The following TP63 variants were observed in gnomAD, a reference collection of about 807,000 sequenced individuals.
The protein encoded by TP63 is tumor protein 63.
A neutral mutation model predicts 82.8 loss-of-function variants in TP63; 17 were observed. That is an observed-to-expected ratio of 0.21 (90% CI 0.14 to 0.31). The LOEUF is 0.31. TP63 is among the 10% of genes least tolerant of loss of function. TP63 has a pLI of 1.00. For synonymous variants in TP63, 330 were observed against 321.7 expected (o/e 1.03, Z -0.28); for missense variants, 648 against 895.3 (o/e 0.72, Z 3.52).
intron 1 of TP63, among the ~76,000 whole-genome samples, chr3:189,686,644 G>T (rs535215261): frequency 2.0e-4 from 27 of 136,448 alleles, no homozygotes; most frequent in Admixed American, 5.6e-4. Context: ...TGATAGCAAA[G>T]TTTACAAACT....
At chr3:189,638,259 C>T (rs941592487) in intron 1 of TP63, among the ~76,000 whole-genome samples, 23 of 152,082 alleles carry the variant, frequency 1.5e-4, no homozygotes, top group Non-Finnish European at 2.9e-4. Flanking sequence ...TGTTTTGATG[C>T]GTTTAACTAA....
chr3:189,834,343 C>T (rs1712804777), intron 4 of TP63, among the ~76,000 whole-genome samples: 1 of 151,068 alleles, frequency 6.6e-6, no homozygotes, highest in South Asian at 2.1e-4. Context: ...GTCTGACAGT[C>T]TTTTTTTTTA....
chr3:189,721,296 C>G (rs1719373908), intron 1 of TP63, among the ~76,000 whole-genome samples: 1 of 152,026 alleles, frequency 6.6e-6, no homozygotes, highest in Non-Finnish European at 1.5e-5. Flanking sequence ...TGTGGGCCTT[C>G]CAATAATAGA....
chr3:189,850,609 G>A (rs1057273290), intron 4 of TP63, among the ~76,000 whole-genome samples: 1 of 152,106 alleles, frequency 6.6e-6, no homozygotes, highest in African/African-American at 2.4e-5. Context: ...GATAGCGTTA[G>A]GAGATATACC....
At chr3:189,725,022 G>A (rs1036702157) in intron 1 of TP63, among the ~76,000 whole-genome samples, 2 of 152,074 alleles carry the variant, frequency 1.3e-5, no homozygotes, top group African/African-American at 4.8e-5. Flanking sequence ...GCACAAATGT[G>A]TTGCTTAATA....
chr3:189,888,186 T>G (rs999716464), intron 11 of TP63, among the ~76,000 whole-genome samples: 1 of 151,942 alleles, frequency 6.6e-6, no homozygotes, highest in African/African-American at 2.4e-5. Context: ...GAGATAGAGG[T>G]GTGTGTGTTT....
chr3:189,735,807 C>T (rs529116601), intron 1 of TP63, among the ~76,000 whole-genome samples: 1 of 152,196 alleles, frequency 6.6e-6, no homozygotes, highest in African/African-American at 2.4e-5. Flanking sequence ...TACACTACTC[C>T]ACACGTGTGA....
At chr3:189,734,261 T>C (rs1230339731) in intron 1 of TP63, among the ~76,000 whole-genome samples, 1 of 148,208 alleles carries the variant, frequency 6.7e-6, no homozygotes, top group African/African-American at 2.5e-5. Context: ...CACCTCTGCC[T>C]CTTGGGTTCA....
chr3:189,774,487 A>G lies in TP63; in HGVS notation c.325-33785A>G, dbSNP rs573416522. Among the ~76,000 whole-genome samples the G allele has an allele frequency of 1.9e-3, 288 of 152,314 alleles. 3 individuals are homozygous for G. Among genetic ancestry groups the G allele is most frequent in the Non-Finnish European group, 3.2e-3 (221 of 68,024 alleles). On this transcript the variant is annotated intron_variant, in intron 3 of 13. Transcript: ENST00000264731. ...TAATTAAAGATAAAATGTGACAGGA[A>G]TTGTATGTGCACCTGTGTTTGAAGG...
intron 1 of TP63, among the ~76,000 whole-genome samples, chr3:189,647,995 A>C (rs1367382029): frequency 1.9e-5 from 1 of 52,614 alleles, no homozygotes; most frequent in Admixed American, 3.5e-4. Context: ...GAAAGATTAA[A>C]TAAACGAATT....
chr3:189,632,586 A>G (rs1302360597), intron 1 of TP63, among the ~76,000 whole-genome samples: 2 of 152,118 alleles, frequency 1.3e-5, no homozygotes, highest in Non-Finnish European at 2.9e-5. Context: ...AAGGCAGAAG[A>G]GAAAGAGCAA....
chr3:189,744,351 A>C (rs1721214996), intron 3 of TP63, among the ~76,000 whole-genome samples: 1 of 152,094 alleles, frequency 6.6e-6, no homozygotes, highest in Admixed American at 6.5e-5. Context: ...CCCTTACCTG[A>C]ACATTGTTCT....
chr3:189,855,396 T>C (rs1716162809), intron 4 of TP63, among the ~76,000 whole-genome samples: 1 of 152,156 alleles, frequency 6.6e-6, no homozygotes, highest in Non-Finnish European at 1.5e-5. Flanking sequence ...ACCTTGGACT[T>C]TTCTACACTG....
chr3:189,834,879 G>GT (rs1262996115), intron 4 of TP63, among the ~76,000 whole-genome samples: 2 of 133,782 alleles, frequency 1.5e-5, no homozygotes, highest in African/African-American at 2.7e-5. Flanking sequence ...ATTTCATATG[G>GT]TTTTTTTCCT....
chr3:189,615,579 G>A, the TP63 span, among the ~76,000 whole-genome samples: 1 of 152,096 alleles, frequency 6.6e-6, no homozygotes, highest in African/African-American at 2.4e-5. Flanking sequence ...GAAAGTTAAT[G>A]TGTGATACAA....
intron 3 of TP63, among the ~76,000 whole-genome samples, chr3:189,806,446 C>G (rs1726917446): frequency 6.6e-6 from 1 of 152,210 alleles, no homozygotes; most frequent in South Asian, 2.1e-4. Context: ...TATACTGACC[C>G]TTAACTTGAA....
At position 189,646,411 on chromosome 3, in the gene TP63, T is replaced by C. The variant is rs1353363097; in HGVS notation, c.62+14834T>C. Among the ~76,000 whole-genome samples, 5 of 147,378 alleles carry C rather than the reference T, an allele frequency of 3.4e-5. 2 individuals carry two copies. Among genetic ancestry groups the C allele is most frequent in the Non-Finnish European group, 7.4e-5 (5 of 67,350 alleles). ...GCTCTTGCTTATCTCACAGATAATA[T>C]GTATTGTTTTCTTCTCTGATACAAC... is the stretch of plus-strand genomic sequence containing the variant. On this transcript the variant is annotated intron_variant, in intron 1 of 13. Transcript: ENST00000264731.
At chr3:189,770,675 C>G (rs1189477845) in intron 3 of TP63, among the ~76,000 whole-genome samples, 1 of 152,104 alleles carries the variant, frequency 6.6e-6, no homozygotes, top group Non-Finnish European at 1.5e-5. Flanking sequence ...AGAAGGCTGT[C>G]CCTTCTTTTT....
At chr3:189,795,107 A>T (rs1247031253) in intron 3 of TP63, among the ~76,000 whole-genome samples, 2 of 151,966 alleles carry the variant, frequency 1.3e-5, no homozygotes, top group African/African-American at 4.8e-5. Flanking sequence ...CTCTGTAAAG[A>T]CCCCATTCTT....
Sources: allele counts gnomAD v4.1 joint callset (sites outside exome capture counted in the v4.1 genomes callset), GRCh38; gene constraint gnomAD v4.1.1; transcripts MANE v1.5; gene names NCBI Gene and HGNC (gene_info 2026-07-23, HGNC 2026-07-21).